WDR49: variants seen among roughly 807,000 people sequenced by gnomAD.
The protein encoded by WDR49 is WD repeat domain 49, also known as cilia- and flagella-associated protein 337.
WDR49 carries 107 observed loss-of-function variants against 119.5 expected under a neutral mutation model. The observed-to-expected ratio is 0.90, with a 90% CI of 0.77 to 1.05. WDR49 has a LOEUF of 1.05. Among genes scored for constraint, WDR49 ranks in the 50% least tolerant of loss-of-function variants. The pLI, the probability that WDR49 is intolerant of heterozygous loss-of-function variation, is 0.00. For synonymous variants in WDR49, 425 were observed against 418.8 expected (o/e 1.01, Z -0.18); for missense variants, 1,240 against 1,220.5 (o/e 1.02, Z -0.24).
intron 7 of WDR49, among the ~76,000 whole-genome samples, chr3:167,599,065 A>G (rs912720522): frequency 5.3e-5 from 8 of 152,118 alleles, no homozygotes; most frequent in African/African-American, 1.9e-4. Flanking sequence ...TCTTGCCAAA[A>G]GCCTGCTGTA....
intron 7 of WDR49, among the ~76,000 whole-genome samples, chr3:167,600,475 T>C (rs1715709833): frequency 6.6e-6 from 1 of 152,210 alleles, no homozygotes; most frequent in Non-Finnish European, 1.5e-5. Context: ...CTCACCTGAT[T>C]TTTTTGGTTC....
intron 15 of WDR49, among the ~76,000 whole-genome samples, chr3:167,524,761 C>G (rs577114985): frequency 6.6e-6 from 1 of 152,004 alleles, no homozygotes. Flanking sequence ...TTCCATTGGT[C>G]TCTTTATCTG....
intron 10 of WDR49, among the ~76,000 whole-genome samples, chr3:167,543,120 A>G (rs1711943723): frequency 6.6e-6 from 1 of 152,006 alleles, no homozygotes; most frequent in South Asian, 2.1e-4. Context: ...GAACAGACCA[A>G]TAACAAGTAG....
chr3:167,578,357 C>T (rs1714354171), intron 7 of WDR49, among the ~76,000 whole-genome samples: 1 of 152,078 alleles, frequency 6.6e-6, no homozygotes, highest in Non-Finnish European at 1.5e-5. Flanking sequence ...TAGTCCCAAT[C>T]CTTAGAGATG....
At chr3:167,544,462 G>T (rs922216448) in intron 10 of WDR49, among the ~76,000 whole-genome samples, 1 of 151,560 alleles carries the variant, frequency 6.6e-6, no homozygotes, top group African/African-American at 2.4e-5. Flanking sequence ...TAGAGCAGTG[G>T]GACATAGACC....
At chr3:167,518,816 A>G (rs1752317428) in intron 16 of WDR49, among the ~76,000 whole-genome samples, 1 of 151,512 alleles carries the variant, frequency 6.6e-6, no homozygotes, top group Admixed American at 6.6e-5. Context: ...AGCAAAAGAA[A>G]CTGTCATCAG....
At chr3:167,557,223 C>T (rs996992921) in intron 9 of WDR49, among the ~76,000 whole-genome samples, 1 of 151,798 alleles carries the variant, frequency 6.6e-6, no homozygotes, top group Non-Finnish European at 1.5e-5. Context: ...TATTAAAAGG[C>T]ATATACCCTT....
chr3:167,629,629 C>A (rs1031583334), intron 2 of WDR49, among the ~76,000 whole-genome samples: 4 of 152,068 alleles, frequency 2.6e-5, no homozygotes, highest in Non-Finnish European at 5.9e-5. Context: ...AAATTAAAAA[C>A]CTTTTGGAAA....
chr3:167,566,262 A>G (rs1010962894), intron 8 of WDR49, among the ~76,000 whole-genome samples: 6 of 152,192 alleles, frequency 3.9e-5, no homozygotes, highest in African/African-American at 1.2e-4. Context: ...ATATTTTCTC[A>G]TCAGTGCAGA....
At chr3:167,629,293 A>G (rs1278009540) in intron 2 of WDR49, among the ~76,000 whole-genome samples, 1 of 152,084 alleles carries the variant, frequency 6.6e-6, no homozygotes, top group Non-Finnish European at 1.5e-5. Flanking sequence ...ATTACAGCAC[A>G]TCTGTTTACA....
chr3:167,647,106 T>G (rs895396852), intron 2 of WDR49, among the ~76,000 whole-genome samples: 3 of 152,190 alleles, frequency 2.0e-5, no homozygotes, highest in Admixed American at 6.5e-5. Context: ...TTTTCTTGTT[T>G]AACTCTCAGG....
chr3:167,551,449 C>T (rs1041292199), intron 10 of WDR49, among the ~76,000 whole-genome samples: 1 of 152,014 alleles, frequency 6.6e-6, no homozygotes, highest in Non-Finnish European at 1.5e-5. Flanking sequence ...ATTAAAATGA[C>T]AAAATATTCA....
At chr3:167,519,097 A>G (rs1175359064) in intron 16 of WDR49, among the ~76,000 whole-genome samples, 1 of 152,150 alleles carries the variant, frequency 6.6e-6, no homozygotes, top group Admixed American at 6.5e-5. Context: ...GCCAGTCACA[A>G]TAGCAATTAT....
chr3:167,629,970 C>T (rs1242422167), intron 2 of WDR49, among the ~76,000 whole-genome samples: 1 of 152,104 alleles, frequency 6.6e-6, no homozygotes. Flanking sequence ...AGATGCTATA[C>T]ACATGGTTGA....
At chr3:167,588,288 C>G (rs1714919887) in intron 7 of WDR49, among the ~76,000 whole-genome samples, 1 of 152,154 alleles carries the variant, frequency 6.6e-6, no homozygotes. Flanking sequence ...GGATCTTACT[C>G]TTTTTTATGA....
At chr3:167,556,046 T>G (rs776205607) in intron 9 of WDR49, among the ~76,000 whole-genome samples, 5 of 152,206 alleles carry the variant, frequency 3.3e-5, no homozygotes, top group African/African-American at 4.8e-5. Context: ...AATATAGCAT[T>G]ATAATCTTAA....
intron 2 of WDR49, among the ~76,000 whole-genome samples, chr3:167,649,085 G>A (rs1044697956): frequency 6.6e-6 from 1 of 152,106 alleles, no homozygotes; most frequent in Admixed American, 6.6e-5. Context: ...GAAAGGGAGT[G>A]AAACAAAAAT....
chr3:167,577,294 G>C (rs1017613462), intron 7 of WDR49, among the ~76,000 whole-genome samples: 1 of 152,100 alleles, frequency 6.6e-6, no homozygotes, highest in African/African-American at 2.4e-5. Context: ...ATCAGTAGTG[G>C]TACAGAATTA....
chr3:167,554,843 T>A (rs1369403555), intron 9 of WDR49, 45 bp from the exon 10 acceptor site: 1 of 1,374,994 alleles, frequency 7.3e-7, no homozygotes, highest in African/African-American at 1.5e-5. Context: ...GAAGGTAAAC[T>A]TTTTATATTC....
Sources: allele counts gnomAD v4.1 joint callset (sites outside exome capture counted in the v4.1 genomes callset), GRCh38; gene constraint gnomAD v4.1.1; transcripts MANE v1.5; gene names NCBI Gene and HGNC (gene_info 2026-07-23, HGNC 2026-07-21).